Variants in PTPRD observed in about 807,000 individuals in gnomAD.
PTPRD encodes the protein protein tyrosine phosphatase receptor type D.
A neutral mutation model predicts 214.5 loss-of-function variants in PTPRD; 34 were observed. The observed-to-expected ratio is 0.16, with a 90% confidence interval of 0.12 to 0.21. The LOEUF (loss-of-function observed/expected upper bound fraction) is 0.21. Ranked by LOEUF, PTPRD falls within the 10% of genes least tolerant of loss-of-function variation. The probability of loss-of-function intolerance (pLI) is 1.00; values close to 1 mark genes in which losing one functional copy is unlikely to be tolerated. For missense variants in PTPRD, 2,545 were observed against 2,398.7 expected (o/e 1.06, Z -1.27); for synonymous variants, 1,128 against 845.7 (o/e 1.33, Z -5.79).
intron 10 of PTPRD, among the ~76,000 whole-genome samples, chr9:9,124,029 T>C (rs577309534): frequency 1.0e-3 from 158 of 152,230 alleles, no homozygotes; most frequent in Non-Finnish European, 1.8e-3. Flanking sequence ...GGAGGTTAAG[T>C]AGTTTTGGTA....
chr9:9,898,756 C>A (rs1287144130), intron 5 of PTPRD, among the ~76,000 whole-genome samples: 1 of 152,104 alleles, frequency 6.6e-6, no homozygotes, highest in Non-Finnish European at 1.5e-5. Flanking sequence ...ATATATTCCA[C>A]TTGACTAATG....
At chr9:10,270,576 C>T (rs181748420) in intron 3 of PTPRD, among the ~76,000 whole-genome samples, 2 of 152,230 alleles carry the variant, frequency 1.3e-5, no homozygotes, top group Admixed American at 6.5e-5. Context: ...AAAATAAAAA[C>T]CTGACTTCCA....
chr9:9,275,078 A>C (rs1944564716), intron 9 of PTPRD, among the ~76,000 whole-genome samples: 1 of 74,000 alleles, frequency 1.4e-5, no homozygotes, highest in Non-Finnish European at 2.6e-5. Flanking sequence ...ATATATATAT[A>C]TATAATATAT....
intron 11 of PTPRD, among the ~76,000 whole-genome samples, chr9:8,839,942 A>G (rs1156426681): frequency 2.0e-5 from 3 of 152,232 alleles, no homozygotes; most frequent in Non-Finnish European, 4.4e-5. Flanking sequence ...ACCATACAGT[A>G]CAAAGGATCA....
intron 10 of PTPRD, among the ~76,000 whole-genome samples, chr9:9,114,386 T>C (rs1715849374): frequency 6.6e-6 from 1 of 152,178 alleles, no homozygotes; most frequent in Admixed American, 6.6e-5. Flanking sequence ...AAAGGCCCCT[T>C]ACACTCGGAA....
chr9:9,093,309 C>T (rs1010698033), intron 10 of PTPRD, among the ~76,000 whole-genome samples: 1 of 151,932 alleles, frequency 6.6e-6, no homozygotes, highest in Non-Finnish European at 1.5e-5. Context: ...ACAGGAAATA[C>T]GAATAACACT....
At chr9:8,787,925 C>T (rs2096060394) in intron 11 of PTPRD, among the ~76,000 whole-genome samples, 1 of 151,982 alleles carries the variant, frequency 6.6e-6, no homozygotes, top group Admixed American at 6.6e-5. Context: ...TTTTTTAAAA[C>T]TCATTTTAAC....
intron 11 of PTPRD, among the ~76,000 whole-genome samples, chr9:8,737,265 C>CTTG (rs2090679982): frequency 6.6e-6 from 1 of 152,094 alleles, no homozygotes; most frequent in African/African-American, 2.4e-5. Context: ...TGGGTTGTGC[C>CTTG]CAAAGGAGGT....
At chr9:10,060,209 G>A (rs2097732793) in intron 3 of PTPRD, among the ~76,000 whole-genome samples, 1 of 151,966 alleles carries the variant, frequency 6.6e-6, no homozygotes, top group Non-Finnish European at 1.5e-5. Context: ...CAGCTTTCAA[G>A]TCCCAATTTC....
intron 11 of PTPRD, among the ~76,000 whole-genome samples, chr9:8,752,982 G>C (rs2093670069): frequency 6.6e-6 from 1 of 152,168 alleles, no homozygotes; most frequent in Admixed American, 6.5e-5. Context: ...ATAAATAAGT[G>C]TATGTTTTCT....
intron 14 of PTPRD, among the ~76,000 whole-genome samples, chr9:8,626,504 A>T (rs953978299): frequency 6.6e-6 from 1 of 151,830 alleles, no homozygotes; most frequent in African/African-American, 2.4e-5. Context: ...TAGGCGAAAT[A>T]TCTGGGGTGC....
chr9:8,686,982 G>C (rs117106102), intron 12 of PTPRD, among the ~76,000 whole-genome samples: 1 of 152,154 alleles, frequency 6.6e-6, no homozygotes, highest in Non-Finnish European at 1.5e-5. Flanking sequence ...TCCCCCGGGG[G>C]AGAAGAGCCT....
intron 10 of PTPRD, among the ~76,000 whole-genome samples, chr9:9,146,253 T>C (rs1281151381): frequency 6.6e-6 from 1 of 151,134 alleles, no homozygotes; most frequent in Admixed American, 6.6e-5. Flanking sequence ...AGTAAATTTG[T>C]TATTTTTTTT....
intron 2 of PTPRD, among the ~76,000 whole-genome samples, chr9:10,471,982 C>T (rs1487384228): frequency 1.3e-5 from 2 of 151,996 alleles, no homozygotes; most frequent in African/African-American, 4.8e-5. Flanking sequence ...ATTTATGCCT[C>T]ATGTTTAAAA....
chr9:10,266,609 G>A (rs1046685867), intron 3 of PTPRD, among the ~76,000 whole-genome samples: 15 of 152,072 alleles, frequency 9.9e-5, no homozygotes, highest in African/African-American at 3.4e-4. Context: ...GTATTTGTGC[G>A]GCATGGGGTA....
intron 9 of PTPRD, among the ~76,000 whole-genome samples, chr9:9,224,884 A>T (rs1401948071): frequency 6.6e-6 from 1 of 152,022 alleles, no homozygotes; most frequent in East Asian, 1.9e-4. Context: ...CTAATTGCTG[A>T]TGTCTACATG....
intron 35 of PTPRD, among the ~76,000 whole-genome samples, chr9:8,409,700 CTG>C (rs1406296471): frequency 6.6e-6 from 1 of 152,146 alleles, no homozygotes; most frequent in Non-Finnish European, 1.5e-5. Context: ...ACTAGTTGCT[CTG>C]TGTTTCACTT....
chr9:9,060,575 A>G (rs2099705240), intron 10 of PTPRD, among the ~76,000 whole-genome samples: 3 of 152,168 alleles, frequency 2.0e-5, no homozygotes, highest in Admixed American at 2.0e-4. Context: ...GAGGAAAGAT[A>G]CAGACTAAGA....
At chr9:8,412,843 A>T (rs1478363251) in intron 35 of PTPRD, among the ~76,000 whole-genome samples, 1 of 152,210 alleles carries the variant, frequency 6.6e-6, no homozygotes, top group African/African-American at 2.4e-5. Flanking sequence ...TTTCCGGCAG[A>T]GACAACAAAA....
Sources: allele counts gnomAD v4.1 joint callset (sites outside exome capture counted in the v4.1 genomes callset), GRCh38; gene constraint gnomAD v4.1.1; transcripts MANE v1.5; gene names NCBI Gene and HGNC (gene_info 2026-07-23, HGNC 2026-07-21).